The following BMPR1B variants were observed in gnomAD, a reference collection of about 807,000 sequenced individuals.
The protein encoded by BMPR1B is bone morphogenetic protein receptor type-1B.
A neutral mutation model predicts 59.1 loss-of-function variants in BMPR1B; 12 were observed. The observed-to-expected ratio is 0.20, with a 90% CI of 0.13 to 0.33. The LOEUF is 0.33. Ranked by LOEUF, BMPR1B falls within the 10% of genes least tolerant of loss-of-function variation. The pLI, the probability that BMPR1B is intolerant of heterozygous loss-of-function variation, is 1.00. For synonymous variants in BMPR1B, 237 were observed against 207.3 expected (o/e 1.14, Z -1.23); for missense variants, 550 against 610.9 (o/e 0.90, Z 1.05).
chr4:94,792,111 C>CT (rs1480908289), intron 1 of BMPR1B, among the ~76,000 whole-genome samples: 1 of 152,132 alleles, frequency 6.6e-6, no homozygotes, highest in East Asian at 1.9e-4. Flanking sequence ...TTTCAGATAA[C>CT]TAAGTTTTAC....
chr4:94,945,184 C>A (rs187395005), intron 2 of BMPR1B, among the ~76,000 whole-genome samples: 154 of 152,266 alleles, frequency 1.0e-3, no homozygotes, highest in Middle Eastern at 3.4e-3. Flanking sequence ...TATAGAATTG[C>A]AGTTTATGTC....
At chr4:94,766,731 T>C (rs931277067) in intron 1 of BMPR1B, among the ~76,000 whole-genome samples, 6 of 152,046 alleles carry the variant, frequency 3.9e-5, no homozygotes, top group African/African-American at 1.4e-4. Context: ...TTTTGGGTCT[T>C]TTTTTCTTTA....
chr4:95,033,371 A>G (rs561672540), intron 3 of BMPR1B, among the ~76,000 whole-genome samples: 1 of 151,916 alleles, frequency 6.6e-6, no homozygotes, highest in South Asian at 2.1e-4. Context: ...GTCAAGTGCA[A>G]TGTCATGAAG....
intron 2 of BMPR1B, among the ~76,000 whole-genome samples, chr4:94,956,363 T>C (rs1262518090): frequency 6.6e-6 from 1 of 152,172 alleles, no homozygotes; most frequent in Non-Finnish European, 1.5e-5. Flanking sequence ...AAAAATTGTT[T>C]TTATGATAAC....
intron 3 of BMPR1B, among the ~76,000 whole-genome samples, chr4:95,058,009 T>C (rs1727057820): frequency 6.6e-6 from 1 of 152,142 alleles, no homozygotes. Context: ...GCTATAGAAA[T>C]TCGGGATGTC....
chr4:95,143,981 C>T (rs1296907632), intron 10 of BMPR1B, among the ~76,000 whole-genome samples: 2 of 151,896 alleles, frequency 1.3e-5, no homozygotes, highest in Admixed American at 6.6e-5. Context: ...AAAATTTAGT[C>T]CACCTGGACA....
At chr4:95,104,859 C>A (rs1398851642) in intron 4 of BMPR1B, among the ~76,000 whole-genome samples, 1 of 152,032 alleles carries the variant, frequency 6.6e-6, no homozygotes, top group Non-Finnish European at 1.5e-5. Context: ...TTTCAAAAGA[C>A]CTGGTCCCCA....
chr4:94,840,579 T>C (rs1725017554), intron 1 of BMPR1B, among the ~76,000 whole-genome samples: 2 of 146,068 alleles, frequency 1.4e-5, no homozygotes, highest in African/African-American at 2.5e-5. Context: ...TCTGCATTCT[T>C]CACGTAGTTC....
In BMPR1B at chr4:94,980,092, A is replaced by T. The variant is rs1475711202; in HGVS notation, c.-112-15948A>T. Among the ~76,000 whole-genome samples, 3 of 152,344 alleles carry T rather than the reference A, an allele frequency of 2.0e-5. No homozygotes were observed. The East Asian group carries it at 5.8e-4, about 29-fold the overall frequency. On this transcript the variant is annotated intron_variant, in intron 2 of 12. Coordinates refer to ENST00000515059, the MANE Select transcript of BMPR1B (RefSeq NM_001203.3). ...AGCTCTCTTAAAAGGATTAAAGGTG[A>T]TATCAAATGAATGGAAAATACCAGA...
intron 10 of BMPR1B, among the ~76,000 whole-genome samples, chr4:95,145,486 C>T (rs1734576346): frequency 6.6e-6 from 1 of 152,246 alleles, no homozygotes; most frequent in Non-Finnish European, 1.5e-5. Context: ...TGTCTGTTCT[C>T]ACGTGTACCA....
intron 1 of BMPR1B, among the ~76,000 whole-genome samples, chr4:94,768,333 A>G (rs186958170): frequency 7.2e-5 from 11 of 152,124 alleles, no homozygotes; most frequent in Non-Finnish European, 1.5e-4. Context: ...TTAACAGTTT[A>G]AAGAGAAAAC....
chr4:95,104,555 A>G lies in BMPR1B; in HGVS notation c.131A>G (p.Asn44Ser). 6.2e-7 allele frequency: 1 copy of G among 1,613,460 alleles called. No individual in the cohort carries two copies. Among genetic ancestry groups the G allele is most frequent in the Non-Finnish European group, 8.5e-7 (1 of 1,179,544 alleles). Reference protein sequence around the residue: ...CHHHCPEDSVNNICSTDGYCF... With the variant: ...CHHHCPEDSVSNICSTDGYCF... ...CACCATTGTCCAGAAGACTCAGTCA[A>G]CAATATTTGCAGGTTGGTGATATAA... Residue 44 changes from asparagine to serine, a missense_variant, in exon 4 of 13, where the codon AAC becomes AGC. Coordinates refer to ENST00000515059, the MANE Select transcript of BMPR1B (RefSeq NM_001203.3).
chr4:94,853,235 A>T (rs1725630555), intron 1 of BMPR1B, among the ~76,000 whole-genome samples: 1 of 152,218 alleles, frequency 6.6e-6, no homozygotes, highest in Admixed American at 6.6e-5. Flanking sequence ...AGTAAAAATG[A>T]AAAGTTTCTT....
intron 2 of BMPR1B, among the ~76,000 whole-genome samples, chr4:94,978,268 C>G (rs1731104629): frequency 6.6e-6 from 1 of 152,160 alleles, no homozygotes; most frequent in African/African-American, 2.4e-5. Context: ...ATTTTATCAC[C>G]TTTTAAGGTT....
chr4:95,087,573 A>G lies in BMPR1B; in HGVS notation c.-17-16835A>G, dbSNP rs117705471. Among the ~76,000 whole-genome samples, 377 of 152,196 alleles carry G rather than the reference A, an allele frequency of 2.5e-3. 15 individuals are homozygous for G. In the East Asian group the frequency reaches 0.071, roughly 29 times the overall value. On this transcript the variant is annotated intron_variant, in intron 3 of 12. Coordinates refer to ENST00000515059, the MANE Select transcript of BMPR1B (RefSeq NM_001203.3). ...TGGCGAAATGCCGTCTCTACAAAAA[A>G]TAGAAAAATTAGCCAGGCTTGGTGG...
intron 3 of BMPR1B, among the ~76,000 whole-genome samples, chr4:95,098,737 G>A (rs889183406): frequency 6.6e-6 from 1 of 151,972 alleles, no homozygotes. Context: ...TTATTTTTGA[G>A]ACAGAGTCTC....
intron 1 of BMPR1B, among the ~76,000 whole-genome samples, chr4:94,814,070 A>T (rs1723920714): frequency 6.6e-6 from 1 of 152,206 alleles, no homozygotes; most frequent in African/African-American, 2.4e-5. Context: ...TGTTGTGATT[A>T]TATTTGAGAA....
chr4:94,918,423 T>G (rs529796483), intron 2 of BMPR1B, among the ~76,000 whole-genome samples: 2 of 152,302 alleles, frequency 1.3e-5, no homozygotes, highest in Admixed American at 6.5e-5. Flanking sequence ...ATGCCTGTAG[T>G]CTCAGCACTT....
chr4:94,985,236 A>G (rs17022763), intron 2 of BMPR1B, among the ~76,000 whole-genome samples: 1,991 of 152,166 alleles, frequency 0.013, 30 homozygotes, highest in African/African-American at 0.044. Flanking sequence ...AATATAGAAG[A>G]TTGATGGAGG....
Sources: gnomAD v4.1 joint callset for allele counts (sites outside exome capture counted in the v4.1 genomes callset) on GRCh38, gnomAD v4.1.1 for gene constraint, MANE v1.5 for transcripts, NCBI Gene and HGNC (gene_info 2026-07-23, HGNC 2026-07-21) for gene names.